GOLGA3: variants seen among roughly 807,000 people sequenced by gnomAD.
GOLGA3 encodes the protein golgin subfamily A member 3.
Under a neutral mutation model 169.4 loss-of-function variants are expected in GOLGA3, and 75 were observed. The observed-to-expected ratio is 0.44, with a 90% confidence interval of 0.37 to 0.54. GOLGA3 has a LOEUF of 0.54. GOLGA3 is among the 20% of genes least tolerant of loss of function. The pLI is 0.00. For missense variants in GOLGA3, 1,899 were observed against 1,930.0 expected, an observed-to-expected ratio of 0.98 and a Z score of 0.30; for synonymous variants, 824 against 822.4, an observed-to-expected ratio of 1.00 and a Z score of -0.03.
chr12:132,778,004 A>T (rs2045345696), intron 18 of GOLGA3, among the ~76,000 whole-genome samples, 199 bp from the exon 19 acceptor site: 1 of 152,268 alleles, frequency 6.6e-6, no homozygotes, highest in Non-Finnish European at 1.5e-5. Context: ...GTGCACACTT[A>T]TGTGGCTGCT....
intron 15 of GOLGA3, 73 bp from the exon 16 acceptor site, chr12:132,784,380 C>T (rs1435914726): frequency 7.7e-7 from 1 of 1,304,890 alleles, no homozygotes; most frequent in Non-Finnish European, 1.1e-6. Context: ...GTGGTGCCGG[C>T]AGGCATGAGG....
At chr12:132,811,863 T>C (rs1318470360) in intron 4 of GOLGA3, 2 of 932,498 alleles carry the variant, frequency 2.1e-6, no homozygotes, top group African/African-American at 3.6e-5. Context: ...AAACATGACA[T>C]AGGCTGGGCG....
chr12:132,827,169 T>C (rs1278771871), intron 1 of GOLGA3, among the ~76,000 whole-genome samples: 1 of 152,212 alleles, frequency 6.6e-6, no homozygotes, highest in Non-Finnish European at 1.5e-5. Flanking sequence ...GTTTCACCTG[T>C]TCCTATCGGG....
At position 132,773,271 on chromosome 12, in the gene GOLGA3, C is replaced by G; in HGVS notation, c.4331G>C (p.Arg1444Pro). The G allele has an allele frequency of 6.9e-7, 1 of 1,446,168 alleles. No homozygotes were observed. Among genetic ancestry groups the G allele is most frequent in the Non-Finnish European group, 9.2e-7 (1 of 1,087,918 alleles). The allele number at this position is 1,446,168 out of a possible 1,614,324, so 89.6% of individuals were successfully genotyped here. The stretch of plus-strand genomic sequence containing the variant: ...CGTCAGGGCGTGCTCCTCCATCTGG[C>G]GCTGCAGGCTGTCCATCTCCTGCCT... ...QLKQEMDSLQ[R>P]QMEEHALTVH... is the part of the protein sequence containing the mutation. Residue 1444 changes from arginine (R) to proline (P), a missense_variant, in exon 24 of 24, where the codon CGC (arginine) becomes CCC (proline). Transcript: ENST00000450791.
chr12:132,822,187 C>T lies in GOLGA3; in HGVS notation c.-59G>A. 2 of 1,546,888 alleles carry T rather than the reference C, an allele frequency of 1.3e-6. No individual in the cohort carries two copies. Among genetic ancestry groups the T allele is most frequent in the Admixed American group, 4.3e-5 (2 of 46,436 alleles). On this transcript the variant is annotated 5_prime_UTR_variant, in exon 2 of 24. Coordinates refer to ENST00000450791, the MANE Select transcript of GOLGA3 (RefSeq NM_001389683.1). ...GGGCTACAAGTGAACCTTGGACAAG[C>T]TTGGCTTCTGCCATCAGCAACAGCC...
At chr12:132,825,042 G>C (rs1012029897) in intron 1 of GOLGA3, among the ~76,000 whole-genome samples, 1 of 152,184 alleles carries the variant, frequency 6.6e-6, no homozygotes, top group African/African-American at 2.4e-5. Flanking sequence ...ACACGCGGTG[G>C]AATGTGGACT....
At chr12:132,807,104 C>T (rs971204308) in intron 6 of GOLGA3, 73 bp downstream of exon 6, 34 of 863,940 alleles carry the variant, frequency 3.9e-5, no homozygotes, top group South Asian at 2.9e-4. Flanking sequence ...TGTGAAACCT[C>T]GTACCCAACA....
At chr12:132,791,393 G>T in intron 11 of GOLGA3, 100 bp from the exon 12 acceptor site, 1 of 646,700 alleles carries the variant, frequency 1.5e-6, no homozygotes, top group Non-Finnish European at 2.7e-6. Context: ...GAACACATCT[G>T]CACAAATGTT....
At chr12:132,774,684 G>C (rs964935622) in intron 22 of GOLGA3, 1 of 398,736 alleles carries the variant, frequency 2.5e-6, no homozygotes, top group Non-Finnish European at 4.5e-6. Flanking sequence ...TCCAGCTTAG[G>C]CTCCCTTTTC....
chr12:132,828,402 G>A (rs1950515159), intron 1 of GOLGA3: 1 of 152,340 alleles, frequency 6.6e-6, no homozygotes, highest in Non-Finnish European at 1.5e-5. Context: ...AGACAAACAA[G>A]GAAGTACACG....
At position 132,808,274 on chromosome 12, in the gene GOLGA3, A is replaced by G. The variant is rs781611725; in HGVS notation, c.795T>C (p.Ala265=). ...NAGNSGGNVP[A]PDSTKGSLKQ... ...TCAGGGAACCCTTGGTAGAATCGGG[A>G]GCCGGGACATTTCCCCCAGAATTCC... Residue 265 remains alanine, a synonymous_variant, in exon 5 of 24, where the codon GCT becomes GCC. Coordinates refer to ENST00000450791, the MANE Select transcript of GOLGA3 (RefSeq NM_001389683.1). 1.9e-6 allele frequency: 3 copies of G among 1,614,094 alleles called. No homozygotes were observed. In the East Asian group the frequency reaches 6.7e-5, roughly 36 times the overall value.
intron 11 of GOLGA3, among the ~76,000 whole-genome samples, chr12:132,792,971 G>A (rs1216948237): frequency 7.5e-6 from 1 of 133,128 alleles, no homozygotes; most frequent in East Asian, 2.4e-4. Context: ...CCCACCACAC[G>A]GGATCTGAAC....
At position 132,804,663 on chromosome 12, in the gene GOLGA3, G is replaced by A. The variant is rs1217994622; in HGVS notation, c.1597+53C>T. On this transcript the variant is annotated intron_variant, in intron 7 of 23. Coordinates refer to ENST00000450791, the MANE Select transcript of GOLGA3 (RefSeq NM_001389683.1). This position sits in a 1 kb window ranked among gnomAD's most constrained non-coding sequence, Gnocchi z 4.1. ...CGGGGGCCAGTCGAGGAAGGAGGAG[G>A]GAGCAGCAGGGACCAGTCAGGGAGG... The A allele has an allele frequency of 1.4e-6, 2 of 1,438,758 alleles. No individual in the cohort carries two copies. Among genetic ancestry groups the A allele is most frequent in the African/African-American group, 1.4e-5 (1 of 71,874 alleles). The allele number at this position is 1,438,758 out of a possible 1,614,324, so 89.1% of individuals were successfully genotyped here.
intron 7 of GOLGA3, among the ~76,000 whole-genome samples, chr12:132,803,259 C>G (rs535816739): frequency 6.6e-6 from 1 of 152,190 alleles, no homozygotes; most frequent in Non-Finnish European, 1.5e-5. Flanking sequence ...GGATGACTCA[C>G]GTACTCTGCT....
At chr12:132,828,742 G>T in intron 1 of GOLGA3, 61 bp downstream of exon 1, 1 of 84,016 alleles carries the variant, frequency 1.2e-5, no homozygotes, top group South Asian at 3.8e-4. Flanking sequence ...CATGCACTGC[G>T]GGAGCGGGAG....
chr12:132,816,055 G>A (rs183846594), intron 3 of GOLGA3, among the ~76,000 whole-genome samples: 13 of 152,252 alleles, frequency 8.5e-5, no homozygotes, highest in African/African-American at 2.9e-4. Context: ...AAAATTAGCC[G>A]GGCCTGGTGG....
chr12:132,804,924 C>G lies in GOLGA3; in HGVS notation c.1389G>C (p.Gln463His). 1 of 1,613,844 alleles carries G rather than the reference C, an allele frequency of 6.2e-7. No homozygotes were observed. The highest frequency in any genetic ancestry group is 8.5e-7 in the Non-Finnish European group (1 of 1,180,030). ...TGTCCACCTCCGAGCTCAGCGAATCCTGCCGCTGCTGGCTGCTGTGGCTGC... is the reference window on the plus strand; with the variant it reads ...TGTCCACCTCCGAGCTCAGCGAATCGTGCCGCTGCTGGCTGCTGTGGCTGC... The part of the protein sequence containing the change: ...VECSHSSQQR[Q>H]DSLSSEVDTL... Residue 463 changes from glutamine (Q) to histidine (H), a missense_variant, in exon 7 of 24, where the codon CAG (glutamine) becomes CAC (histidine). By Grantham distance (24) the Gln-to-His change is conservative. Transcript: ENST00000450791. The surrounding 1 kb of genome is among the most constrained non-coding windows in gnomAD (Gnocchi z 4.1).
At chr12:132,790,175 C>CA (rs936271562) in intron 12 of GOLGA3, among the ~76,000 whole-genome samples, 3 of 148,432 alleles carry the variant, frequency 2.0e-5, no homozygotes, top group South Asian at 2.1e-4. Context: ...ACTAAAAATG[C>CA]AAAAAAAAAT....
At chr12:132,816,514 G>A (rs1949965517) in intron 3 of GOLGA3, 26 bp downstream of exon 3, 2 of 1,604,904 alleles carry the variant, frequency 1.2e-6, no homozygotes, top group Admixed American at 1.7e-5. Flanking sequence ...GTGGAGGGTG[G>A]GAAAAGCGGG....
Sources: gnomAD v4.1 joint callset for allele counts (sites outside exome capture counted in the v4.1 genomes callset) on GRCh38, gnomAD v4.1.1 for gene constraint, Gnocchi (gnomAD v3.1) non-coding constraint, MANE v1.5 for transcripts, NCBI Gene and HGNC (gene_info 2026-07-23, HGNC 2026-07-21) for gene names.